Variants in ANO6 observed in about 807,000 individuals in gnomAD.
ANO6 encodes anoctamin 6, also known as anoctamin-6.
A neutral mutation model predicts 117.5 loss-of-function variants in ANO6; 106 were observed. The observed-to-expected ratio is 0.90, with a 90% confidence interval of 0.77 to 1.06. The LOEUF (loss-of-function observed/expected upper bound fraction) is 1.06, where lower values mean the gene tolerates loss of function less well. ANO6 is among the 50% of genes least tolerant of loss of function. ANO6 has a pLI of 0.00. For missense variants in ANO6, 955 were observed against 1,121.1 expected (o/e 0.85, Z 2.12); for synonymous variants, 367 against 385.1 (o/e 0.95, Z 0.55).
downstream of ANO6, among the ~76,000 whole-genome samples, chr12:45,436,846 G>A (rs1316644084): frequency 6.6e-6 from 1 of 152,132 alleles, no homozygotes; most frequent in Non-Finnish European, 1.5e-5. Flanking sequence ...GCAGGCACCT[G>A]TAATCTCGGC....
At chr12:45,236,999 A>G in intron 1 of ANO6, among the ~76,000 whole-genome samples, 1 of 151,950 alleles carries the variant, frequency 6.6e-6, no homozygotes, top group East Asian at 1.9e-4. Flanking sequence ...GCATTTTTTC[A>G]TGTTTCTGTT....
At chr12:45,292,852 A>G in intron 1 of ANO6, 1 of 1,546,084 alleles carries the variant, frequency 6.5e-7, no homozygotes, top group South Asian at 1.2e-5. Flanking sequence ...CTTAAGGTAG[A>G]GGTAGGAGGG....
At chr12:45,293,050 A>G (rs1428315138) in intron 1 of ANO6, 4 of 1,420,830 alleles carry the variant, frequency 2.8e-6, no homozygotes, top group Admixed American at 4.3e-5. Flanking sequence ...TTGGTCTTGA[A>G]GGGACACTGT....
intron 1 of ANO6, among the ~76,000 whole-genome samples, chr12:45,277,625 T>G (rs1324956472): frequency 6.6e-6 from 1 of 152,214 alleles, no homozygotes; most frequent in African/African-American, 2.4e-5. Flanking sequence ...TAAAGGCAGG[T>G]AATTTTTTTT....
chr12:45,324,345 A>C (rs1940390399), intron 2 of ANO6, among the ~76,000 whole-genome samples: 1 of 152,160 alleles, frequency 6.6e-6, no homozygotes, highest in Admixed American at 6.6e-5. Flanking sequence ...CTGCTTTTTG[A>C]GTTAAAGGAA....
chr12:45,294,008 C>T (rs1939206793), intron 1 of ANO6, among the ~76,000 whole-genome samples: 1 of 151,976 alleles, frequency 6.6e-6, no homozygotes, highest in Non-Finnish European at 1.5e-5. Flanking sequence ...AGTAACTTAA[C>T]CTGGCACATA....
rs76963647 is a variant in ANO6 at position 45,348,087 on chromosome 12, G to C, written c.405G>C (p.Thr135=). The change falls in exon 5 of 20, where the codon ACG becomes ACC. Residue 135 remains threonine, a synonymous_variant. Transcript: ENST00000320560. Reference sequence around the variant, plus strand: ...ACGCACCATGGGAGGTGTTATGTACGTATGCTGAGATAATGCACATCAAAT... The same window carrying C: ...ACGCACCATGGGAGGTGTTATGTACCTATGCTGAGATAATGCACATCAAAT... ...KVHAPWEVLC[T]YAEIMHIKLP... is the part of the protein sequence containing the mutation. The C allele has an allele frequency of 1.2e-6, 2 of 1,613,850 alleles. No individual in the cohort carries two copies. Among genetic ancestry groups the C allele is most frequent in the African/African-American group, 2.7e-5 (2 of 74,888 alleles).
In ANO6 at chr12:45,348,525, TCATC is replaced by T; in HGVS notation, c.643_646del (p.Ile215SerfsTer8). 1 of 1,613,748 alleles carries T rather than the reference TCATC, an allele frequency of 6.2e-7. No homozygotes were observed. The highest frequency in any genetic ancestry group is 8.5e-7 in the Non-Finnish European group (1 of 1,179,664). On this transcript the variant is annotated frameshift_variant, in exon 6 of 20. Transcript: ENST00000320560. LOFTEE classifies it high-confidence loss of function. ...ATTTTGGAATCTTTTTAGGTTTACT[TCATC>T]CTCTCTCGGGTCAAGTATCAAGTGA... is the stretch of plus-strand genomic sequence containing the variant.
At chr12:45,438,298 A>C (rs937580703) in intron 19 of ANO6, among the ~76,000 whole-genome samples, 52 of 152,040 alleles carry the variant, frequency 3.4e-4, no homozygotes, top group African/African-American at 1.2e-3. Flanking sequence ...TGTAAGATAT[A>C]TATACACACA....
At position 45,430,761 on chromosome 12, in the gene ANO6, T is replaced by C; in HGVS notation, c.*1450T>C. ...ACTTTTGCTCAGCCTAGCAGTCTAC[T>C]TCACTTTATTGCCTTGTAAGTGTCA... On this transcript the variant is annotated 3_prime_UTR_variant, in exon 20 of 20. Coordinates refer to ENST00000320560, the MANE Select transcript of ANO6 (RefSeq NM_001025356.3). The C allele has an allele frequency of 2.0e-6, 2 of 985,430 alleles. No homozygotes were observed. Among genetic ancestry groups the C allele is most frequent in the Non-Finnish European group, 2.4e-6 (2 of 829,928 alleles). 61.0% of individuals were successfully genotyped at this position (985,430 alleles called of 1,614,324 possible).
At position 45,381,620 on chromosome 12, in the gene ANO6, A is replaced by G. The variant is rs115772430; in HGVS notation, c.1165+3507A>G. 3.7e-3 allele frequency among the ~76,000 whole-genome samples: 556 copies of G among 152,296 alleles called. 4 individuals carry two copies. Among genetic ancestry groups the G allele is most frequent in the African/African-American group, 0.013 (522 of 41,560 alleles). On this transcript the variant is annotated intron_variant, in intron 10 of 19. Coordinates refer to ENST00000320560, the MANE Select transcript of ANO6 (RefSeq NM_001025356.3). ...CTGTGGCTGAGTGAAATAAGGAACT[A>G]AAACACTCACCTGTCGCTGCAATTC...
chr12:45,226,978 C>G, intron 1 of ANO6, among the ~76,000 whole-genome samples: 1 of 144,356 alleles, frequency 6.9e-6, no homozygotes, highest in Admixed American at 6.8e-5. Flanking sequence ...CAAAAATTAT[C>G]ATTTTCTTTT....
At chr12:45,308,552 A>G (rs1913691) in intron 2 of ANO6, among the ~76,000 whole-genome samples, 143,102 of 152,106 alleles carry the variant, frequency 0.94, 67,939 homozygotes, top group East Asian at 1. Context: ...TGCTGGCAGC[A>G]ATGAGAGCCT....
At chr12:45,284,024 T>A (rs1938827183) in intron 1 of ANO6, among the ~76,000 whole-genome samples, 2 of 152,220 alleles carry the variant, frequency 1.3e-5, no homozygotes, top group Non-Finnish European at 2.9e-5. Flanking sequence ...GGCATACAAA[T>A]TTATTTGATC....
At chr12:45,233,068 C>T (rs1030468373) in intron 1 of ANO6, among the ~76,000 whole-genome samples, 1 of 152,178 alleles carries the variant, frequency 6.6e-6, no homozygotes, top group Non-Finnish European at 1.5e-5. Flanking sequence ...GCTCTCCAGA[C>T]TTCTACTCTA....
intron 10 of ANO6, among the ~76,000 whole-genome samples, chr12:45,380,755 C>A (rs1370286696): frequency 3.3e-5 from 5 of 152,168 alleles, no homozygotes; most frequent in Non-Finnish European, 7.4e-5. Flanking sequence ...AGGTGGATCA[C>A]TGAGGTCAGG....
chr12:45,385,260 G>A (rs1025575344), intron 10 of ANO6, among the ~76,000 whole-genome samples: 3 of 152,162 alleles, frequency 2.0e-5, no homozygotes, highest in Middle Eastern at 3.2e-3. Flanking sequence ...AAGGGCAGAA[G>A]AAGGGTTGAC....
chr12:45,344,858 A>C (rs1263319130), intron 3 of ANO6, among the ~76,000 whole-genome samples: 1 of 152,154 alleles, frequency 6.6e-6, no homozygotes, highest in Non-Finnish European at 1.5e-5. Context: ...GTCAACTTTC[A>C]AGTTCAAGTT....
chr12:45,316,312 T>A (rs962303389), intron 2 of ANO6, among the ~76,000 whole-genome samples: 6 of 151,982 alleles, frequency 3.9e-5, no homozygotes, highest in Non-Finnish European at 5.9e-5. Context: ...AACTCAACAA[T>A]TAAAGTTGTG....
Sources: allele counts gnomAD v4.1 joint callset (sites outside exome capture counted in the v4.1 genomes callset), GRCh38; gene constraint gnomAD v4.1.1; transcripts MANE v1.5; gene names NCBI Gene and HGNC (gene_info 2026-07-23, HGNC 2026-07-21).